Variants in UBE2E2 observed in about 807,000 individuals in gnomAD.
The protein encoded by UBE2E2 is ubiquitin-conjugating enzyme E2 E2.
A neutral mutation model predicts 24.7 loss-of-function variants in UBE2E2; 6 were observed. That is an observed-to-expected ratio of 0.24 (90% CI 0.13 to 0.48). The LOEUF is 0.48. Among genes scored for constraint, UBE2E2 ranks in the 20% least tolerant of loss-of-function variants. The pLI is 0.99. For synonymous variants in UBE2E2, 104 were observed against 83.6 expected, an observed-to-expected ratio of 1.24 and a Z score of -1.33; for missense variants, 169 against 245.0, an observed-to-expected ratio of 0.69 and a Z score of 2.07.
chr3:23,259,324 G>C (rs546665642), intron 3 of UBE2E2, among the ~76,000 whole-genome samples: 1 of 152,240 alleles, frequency 6.6e-6, no homozygotes, highest in East Asian at 1.9e-4. Context: ...TTATATTTAA[G>C]TTATCTTTTG....
At chr3:23,457,505 C>T (rs1219619922) in intron 3 of UBE2E2, among the ~76,000 whole-genome samples, 1 of 152,176 alleles carries the variant, frequency 6.6e-6, no homozygotes, top group African/African-American at 2.4e-5. Flanking sequence ...TCTCCATCAG[C>T]TGCTGCTGCT....
At chr3:23,343,136 C>T (rs1695447004) in intron 3 of UBE2E2, among the ~76,000 whole-genome samples, 2 of 151,780 alleles carry the variant, frequency 1.3e-5, no homozygotes, top group African/African-American at 4.8e-5. Context: ...ATACAAACTA[C>T]ATTTTCTTAT....
rs144559812 is a variant in UBE2E2, at chr3:23,245,218, C to G, written c.227+27906C>G. The stretch of plus-strand genomic sequence containing the variant: ...AGGAAAAAACTCCATAGAGCACTTA[C>G]TGTCTGATAAAAGAGGGTATATAAT... On this transcript the variant is annotated intron_variant, in intron 3 of 5. Coordinates refer to ENST00000396703, the MANE Select transcript of UBE2E2 (RefSeq NM_152653.4). Among the ~76,000 whole-genome samples the G allele has an allele frequency of 9.8e-4, 149 of 152,196 alleles. 2 individuals are homozygous for G. The highest frequency in any genetic ancestry group is 3.4e-3 in the African/African-American group (143 of 41,548).
chr3:23,455,590 G>C (rs115369699), intron 3 of UBE2E2, among the ~76,000 whole-genome samples: 1,678 of 152,118 alleles, frequency 0.011, 22 homozygotes, highest in African/African-American at 0.037. Flanking sequence ...TAAGTTTTCA[G>C]CTTAGGCGGA....
chr3:23,453,347 G>GTT (rs200420807), intron 3 of UBE2E2, among the ~76,000 whole-genome samples: 27 of 148,978 alleles, frequency 1.8e-4, no homozygotes, highest in East Asian at 5.9e-4. Flanking sequence ...ATTTGTTTCT[G>GTT]TTTTTTTTTG....
chr3:23,476,437 G>A (rs1478071410), intron 3 of UBE2E2, among the ~76,000 whole-genome samples: 1 of 152,136 alleles, frequency 6.6e-6, no homozygotes, highest in Non-Finnish European at 1.5e-5. Context: ...GTTCATGCCT[G>A]TGATCTCAGC....
At chr3:23,242,884 G>A (rs145783496) in intron 3 of UBE2E2, among the ~76,000 whole-genome samples, 2 of 152,102 alleles carry the variant, frequency 1.3e-5, no homozygotes, top group Non-Finnish European at 2.9e-5. Context: ...TCAGGAGTTC[G>A]AGACCTGCCT....
intron 3 of UBE2E2, among the ~76,000 whole-genome samples, chr3:23,252,651 C>T (rs540217801): frequency 7.2e-5 from 11 of 152,256 alleles, no homozygotes; most frequent in South Asian, 2.1e-4. Flanking sequence ...CACGTGCCGC[C>T]GCATCCAGCT....
intron 5 of UBE2E2, among the ~76,000 whole-genome samples, chr3:23,562,280 C>A (rs1045211497): frequency 4.6e-5 from 7 of 151,952 alleles, no homozygotes; most frequent in East Asian, 1.9e-4. Context: ...TAGCATGAAG[C>A]GTTGTTGAAT....
At chr3:23,518,056 A>G (rs9830388) in intron 4 of UBE2E2, among the ~76,000 whole-genome samples, 84,045 of 151,874 alleles carry the variant, frequency 0.55, 24,235 homozygotes, top group East Asian at 0.74. Flanking sequence ...TGTTTCTATC[A>G]GATACATTTC....
intron 3 of UBE2E2, among the ~76,000 whole-genome samples, chr3:23,485,688 T>C (rs950671962): frequency 9.9e-5 from 15 of 152,220 alleles, no homozygotes; most frequent in African/African-American, 3.6e-4. Context: ...GGATGGATGA[T>C]GCAAAACTGA....
intron 3 of UBE2E2, among the ~76,000 whole-genome samples, chr3:23,494,244 A>G (rs1032328033): frequency 6.6e-6 from 1 of 152,210 alleles, no homozygotes; most frequent in African/African-American, 2.4e-5. Flanking sequence ...GATGTGAGCC[A>G]TGTATGTAAT....
intron 3 of UBE2E2, among the ~76,000 whole-genome samples, chr3:23,445,311 G>A (rs139496350): frequency 6.6e-6 from 1 of 152,132 alleles, no homozygotes; most frequent in Admixed American, 6.5e-5. Context: ...GGTAGTTATT[G>A]TGAGACACAC....
At chr3:23,396,662 C>G (rs1697086107) in intron 3 of UBE2E2, among the ~76,000 whole-genome samples, 2 of 152,002 alleles carry the variant, frequency 1.3e-5, no homozygotes, top group Non-Finnish European at 2.9e-5. Context: ...AGTTACTTAA[C>G]CTTTCTGTCT....
intron 3 of UBE2E2, among the ~76,000 whole-genome samples, chr3:23,246,744 T>C (rs1697418847): frequency 6.6e-6 from 1 of 152,174 alleles, no homozygotes; most frequent in Non-Finnish European, 1.5e-5. Context: ...ATTTTATAAG[T>C]CTTTTGTTCT....
At chr3:23,249,508 T>C (rs1697512280) in intron 3 of UBE2E2, among the ~76,000 whole-genome samples, 1 of 152,164 alleles carries the variant, frequency 6.6e-6, no homozygotes, top group Non-Finnish European at 1.5e-5. Context: ...CTGGAAACAA[T>C]TGGGAAGCAA....
At chr3:23,247,269 T>A (rs375008958) in intron 3 of UBE2E2, among the ~76,000 whole-genome samples, 5 of 152,232 alleles carry the variant, frequency 3.3e-5, no homozygotes, top group African/African-American at 1.2e-4. Context: ...GGTTTCATAT[T>A]GTTCTGGTAC....
intron 3 of UBE2E2, among the ~76,000 whole-genome samples, chr3:23,310,377 G>A (rs1352941373): frequency 6.7e-6 from 1 of 149,750 alleles, no homozygotes; most frequent in Non-Finnish European, 1.5e-5. Flanking sequence ...TTCAGATTCA[G>A]AAGATTTATA....
intron 3 of UBE2E2, among the ~76,000 whole-genome samples, chr3:23,223,567 T>G (rs1217137951): frequency 6.6e-6 from 1 of 152,192 alleles, no homozygotes; most frequent in East Asian, 1.9e-4. Context: ...TTCTGGTTAC[T>G]AATCCCTTGT....
Sources: gnomAD v4.1 joint callset for allele counts (sites outside exome capture counted in the v4.1 genomes callset) on GRCh38, gnomAD v4.1.1 for gene constraint, MANE v1.5 for transcripts, NCBI Gene and HGNC (gene_info 2026-07-23, HGNC 2026-07-21) for gene names.